FRYL: variants seen among roughly 807,000 people sequenced by gnomAD.
FRYL encodes protein furry homolog-like.
Under a neutral mutation model 351.2 loss-of-function variants are expected in FRYL, and 150 were observed. That is an observed-to-expected ratio of 0.43 (90% CI 0.37 to 0.49). FRYL has a LOEUF of 0.49. Ranked by LOEUF, FRYL falls within the 20% of genes least tolerant of loss-of-function variation. The probability of loss-of-function intolerance (pLI) is 0.00; values close to 1 mark genes in which losing one functional copy is unlikely to be tolerated. For missense variants in FRYL, 3,036 were observed against 3,619.3 expected, an observed-to-expected ratio of 0.84 and a Z score of 4.13; for synonymous variants, 1,153 against 1,257.1, an observed-to-expected ratio of 0.92 and a Z score of 1.75.
intron 15 of FRYL, 99 bp from the exon 16 acceptor site, chr4:48,594,115 C>T: frequency 3.1e-6 from 2 of 652,976 alleles, no homozygotes; most frequent in East Asian, 3.5e-5. Flanking sequence ...CAGGTTTGTG[C>T]CCTTAAAAAG....
At position 48,499,529 on chromosome 4, in the gene FRYL, G is replaced by A. The variant is rs1301711342; in HGVS notation, c.8935C>T (p.Leu2979=). ...NLDMSEANYK[L]MELNLEIRES... ...CTTATTTCCAGATTAAGTTCCATCA[G>A]TTTGTAGTTGGCTTCTGACATGTCC... Residue 2979 remains leucine (L), a synonymous_variant, in exon 64 of 64, where the codon CTG becomes TTG. Transcript: ENST00000358350. 4 of 1,613,944 alleles carry A rather than the reference G, an allele frequency of 2.5e-6. No individual in the cohort carries two copies. Among genetic ancestry groups the A allele is most frequent in the Admixed American group, 3.3e-5 (2 of 59,986 alleles).
At position 48,540,532 on chromosome 4, in the gene FRYL, T is replaced by C. The variant is rs751590423; in HGVS notation, c.6116A>G (p.Glu2039Gly). 51 of 1,613,932 alleles carry C rather than the reference T, an allele frequency of 3.2e-5. No individual in the cohort carries two copies. The highest frequency in any genetic ancestry group is 4.2e-5 in the Non-Finnish European group (49 of 1,179,940). ...TACATTTTCAATCTTCTCTCGACTC[T>C]CTGATTTATCCAAAGGCAAATGGAT... ...LLIHLPLDKS[E>G]SREKIENVQS... The change falls in exon 46 of 64, where the codon GAG (glutamate) becomes GGG (glycine). Residue 2039 changes from glutamate (E) to glycine (G), a missense_variant. By Grantham distance (98) the Glu-to-Gly change is moderately conservative. Around this residue, in one of 7 missense-constraint regions of FRYL, gnomAD observed 1,987 missense variants for 2,311.7 expected, o/e 0.86. Transcript: ENST00000358350.
chr4:48,687,857 G>A (rs1765306710), intron 2 of FRYL, among the ~76,000 whole-genome samples: 1 of 152,086 alleles, frequency 6.6e-6, no homozygotes, highest in Non-Finnish European at 1.5e-5. Flanking sequence ...TGGTAAATTT[G>A]AGCTCAACAT....
chr4:48,712,614 G>A (rs1304496541), intron 1 of FRYL, among the ~76,000 whole-genome samples: 1 of 152,198 alleles, frequency 6.6e-6, no homozygotes, highest in East Asian at 1.9e-4. Flanking sequence ...AAAGTGATGG[G>A]GAGAATGGAA....
chr4:48,733,603 T>C (rs1770975535), intron 1 of FRYL, among the ~76,000 whole-genome samples: 1 of 152,100 alleles, frequency 6.6e-6, no homozygotes, highest in South Asian at 2.1e-4. Context: ...TTGTTCAAAA[T>C]AATAATAGCA....
At position 48,540,532 on chromosome 4, in the gene FRYL, T is replaced by G. The variant is rs751590423; in HGVS notation, c.6116A>C (p.Glu2039Ala). ...LLIHLPLDKS[E>A]SREKIENVQS... ...TACATTTTCAATCTTCTCTCGACTC[T>G]CTGATTTATCCAAAGGCAAATGGAT... Residue 2039 changes from glutamate to alanine, a missense_variant, in exon 46 of 64, where the codon GAG becomes GCG. Transcript: ENST00000358350. The G allele has an allele frequency of 1.9e-6, 3 of 1,614,050 alleles. No individual in the cohort carries two copies. Among genetic ancestry groups the G allele is most frequent in the Non-Finnish European group, 2.5e-6 (3 of 1,179,932 alleles).
At chr4:48,658,589 A>AAG (rs1759745735) in intron 3 of FRYL, among the ~76,000 whole-genome samples, 1 of 149,016 alleles carries the variant, frequency 6.7e-6, no homozygotes, top group Admixed American at 6.7e-5. Flanking sequence ...AAATACAAAA[A>AAG]AAAAAAAAAA....
At chr4:48,648,314 A>T (rs1197125701) in intron 3 of FRYL, among the ~76,000 whole-genome samples, 1 of 152,084 alleles carries the variant, frequency 6.6e-6, no homozygotes, top group African/African-American at 2.4e-5. Context: ...GGTTTTTGCT[A>T]TTCTACATGG....
chr4:48,553,383 C>T lies in FRYL; in HGVS notation c.4267G>A (p.Val1423Met). The change falls in exon 36 of 64, where the codon GTG becomes ATG. Residue 1423 changes from valine to methionine, a missense_variant and splice_region_variant. Physicochemically the swap from Val to Met is conservative, Grantham distance 21. This residue lies in a region of FRYL where 1,987 missense variants were observed against 2,311.7 expected (regional missense o/e 0.86). Coordinates refer to ENST00000358350, the MANE Select transcript of FRYL (RefSeq NM_015030.2). Reference protein sequence around the residue: ...VNSEPSLLPYVKKVIVYLGRD... With the variant: ...VNSEPSLLPYMKKVIVYLGRD... ...CCTAAATATACAATGACCTTCTTCA[C>T]CTGTCACAAAAGAAATCGTTCAGAA... The T allele has an allele frequency of 1.2e-6, 2 of 1,601,000 alleles. No individual in the cohort carries two copies. The highest frequency in any genetic ancestry group is 1.7e-6 in the Non-Finnish European group (2 of 1,174,772).
chr4:48,630,794 A>C (rs1322773943), intron 4 of FRYL, among the ~76,000 whole-genome samples: 2 of 152,156 alleles, frequency 1.3e-5, no homozygotes, highest in Non-Finnish European at 2.9e-5. Flanking sequence ...TGGTAGATTA[A>C]ATTCTTTCAG....
chr4:48,619,406 A>G, intron 6 of FRYL, 36 bp from the exon 7 acceptor site: 1 of 1,214,972 alleles, frequency 8.2e-7, no homozygotes, highest in Admixed American at 2.5e-5. Context: ...CTGCATTAAG[A>G]TTATGACTTT....
Position 48,706,803 on chromosome 4 carries a change from C to T in FRYL, c.-204+3716G>A, listed in dbSNP as rs73815320. ...ACCAGCTGCCCATGTTGTTAGCTGCCCTATGGAAGGGTCAAGGAATTGGCC... is the reference window on the plus strand; with the variant it reads ...ACCAGCTGCCCATGTTGTTAGCTGCTCTATGGAAGGGTCAAGGAATTGGCC... On this transcript the variant is annotated intron_variant, in intron 2 of 63. Coordinates refer to ENST00000358350, the MANE Select transcript of FRYL (RefSeq NM_015030.2). Among the ~76,000 whole-genome samples, 483 of 152,142 alleles carry T rather than the reference C, an allele frequency of 3.2e-3. 1 individual carries two copies. The highest frequency in any genetic ancestry group is 0.011 in the African/African-American group (462 of 41,496).
intron 1 of FRYL, among the ~76,000 whole-genome samples, chr4:48,717,464 A>G (rs1768996043): frequency 6.6e-6 from 1 of 151,526 alleles, no homozygotes; most frequent in African/African-American, 2.4e-5. Flanking sequence ...GGTTTCTTTC[A>G]GAGGGTGATG....
At chr4:48,656,317 C>CATAATATATAATAAATATATTAT (rs1758980395) in intron 3 of FRYL, among the ~76,000 whole-genome samples, 6 of 53,946 alleles carry the variant, frequency 1.1e-4, no homozygotes, top group Admixed American at 6.4e-4. Flanking sequence ...TTATATATTA[C>CATAATATATAATAAATATATTAT]ATAATATATA....
chr4:48,743,538 T>G (rs1157014336), intron 1 of FRYL, among the ~76,000 whole-genome samples: 4 of 152,196 alleles, frequency 2.6e-5, no homozygotes, highest in African/African-American at 9.7e-5. Context: ...AATTCTCCTG[T>G]TCCCTAATTC....
Position 48,761,007 on chromosome 4 carries a change from CTGTGTG to C in FRYL, c.-384+19065_-384+19070del, listed in dbSNP as rs57872533. ...TCGCTACTCTCTATTATTACTCTGT[CTGTGTG>C]TGTGTGTGTGTGTGTGTGTGTGTGT... is the stretch of plus-strand genomic sequence containing the variant. On this transcript the variant is annotated intron_variant, in intron 1 of 63. Coordinates refer to ENST00000358350, the MANE Select transcript of FRYL (RefSeq NM_015030.2). Among the ~76,000 whole-genome samples, 745 of 134,414 alleles carry C rather than the reference CTGTGTG, an allele frequency of 5.5e-3. 5 individuals carry two copies. The highest frequency in any genetic ancestry group is 0.029 in the South Asian group (112 of 3,912). 88.2% of individuals were successfully genotyped at this position (134,414 alleles called of 152,430 possible).
At chr4:48,532,560 AG>A (rs1727895300) in intron 49 of FRYL, among the ~76,000 whole-genome samples, 1 of 152,196 alleles carries the variant, frequency 6.6e-6, no homozygotes, top group Non-Finnish European at 1.5e-5. Flanking sequence ...TGGGAGGCTG[AG>A]GCAGGACAAT....
chr4:48,582,453 A>G, intron 20 of FRYL, 44 bp downstream of exon 20: 1 of 1,175,300 alleles, frequency 8.5e-7, no homozygotes, highest in Non-Finnish European at 1.3e-6. Context: ...TTGGTCATTT[A>G]GCACTGACCA....
chr4:48,584,444 G>T (rs1054879767), intron 19 of FRYL, among the ~76,000 whole-genome samples: 2 of 152,204 alleles, frequency 1.3e-5, no homozygotes, highest in African/African-American at 4.8e-5. Context: ...TAGACAGACT[G>T]AGGAGTAAGC....
Sources: allele counts gnomAD v4.1 joint callset (sites outside exome capture counted in the v4.1 genomes callset), GRCh38; gene constraint gnomAD v4.1.1; regional missense constraint gnomAD v4.1.1; transcripts MANE v1.5; gene names NCBI Gene and HGNC (gene_info 2026-07-23, HGNC 2026-07-21).